ASNS: variants seen among roughly 807,000 people sequenced by gnomAD.
The protein encoded by ASNS is asparagine synthetase [glutamine-hydrolyzing].
Under a neutral mutation model 62.6 loss-of-function variants are expected in ASNS, and 37 were observed. That is an observed-to-expected ratio of 0.59 (90% CI 0.45 to 0.78). The LOEUF (loss-of-function observed/expected upper bound fraction) is 0.78, where lower values mean the gene tolerates loss of function less well. Ranked by LOEUF, ASNS falls within the 30% of genes least tolerant of loss-of-function variation. The probability of loss-of-function intolerance (pLI) is 0.00; values close to 1 mark genes in which losing one functional copy is unlikely to be tolerated. For synonymous variants in ASNS, 207 were observed against 237.9 expected, an observed-to-expected ratio of 0.87 and a Z score of 1.19; for missense variants, 520 against 682.4, an observed-to-expected ratio of 0.76 and a Z score of 2.65.
At chr7:97,882,041 G>A in the ASNS span, among the ~76,000 whole-genome samples, 1 of 152,066 alleles carries the variant, frequency 6.6e-6, no homozygotes, top group Non-Finnish European at 1.5e-5. Flanking sequence ...TAGTAGAAAC[G>A]AGGTCTCGTC....
the ASNS span, among the ~76,000 whole-genome samples, chr7:97,914,341 T>C: frequency 6.6e-6 from 1 of 152,134 alleles, no homozygotes; most frequent in African/African-American, 2.4e-5. Context: ...GCCTCTGTAA[T>C]ACTCATGATT....
the ASNS span, among the ~76,000 whole-genome samples, chr7:97,893,961 G>A: frequency 3.3e-5 from 5 of 152,276 alleles, no homozygotes; most frequent in African/African-American, 1.2e-4. Flanking sequence ...CTCCAGGATA[G>A]ACCATATGTT....
chr7:97,864,638 A>C, intron 3 of ASNS, 142 bp from the exon 4 acceptor site: 2 of 665,540 alleles, frequency 3.0e-6, no homozygotes, highest in Non-Finnish European at 5.2e-6. Flanking sequence ...CAGCATTATT[A>C]AACTATGGTT....
intron 3 of ASNS, among the ~76,000 whole-genome samples, chr7:97,865,933 C>A (rs1195101911): frequency 1.3e-5 from 2 of 152,016 alleles, no homozygotes; most frequent in Non-Finnish European, 2.9e-5. Flanking sequence ...TAGGGAACGC[C>A]AAATAAACTG....
the ASNS span, among the ~76,000 whole-genome samples, chr7:97,903,513 G>A: frequency 3.3e-5 from 5 of 152,100 alleles, no homozygotes; most frequent in Admixed American, 1.3e-4. Flanking sequence ...ACGGTTCCCC[G>A]AACAGGAGAA....
chr7:97,928,287 G>A, the ASNS span: 1 of 1,512,392 alleles, frequency 6.6e-7, no homozygotes, highest in East Asian at 2.5e-5. Flanking sequence ...GGAGCTGCCG[G>A]AAGGGCTGGC....
the ASNS span, among the ~76,000 whole-genome samples, chr7:97,904,742 A>G: frequency 6.6e-6 from 1 of 152,052 alleles, no homozygotes; most frequent in East Asian, 1.9e-4. Flanking sequence ...AAATGCAAAT[A>G]CAAAAATGTT....
At position 97,854,636 on chromosome 7, in the gene ASNS, C is replaced by T. The variant is rs2115608054; in HGVS notation, c.1182G>A (p.Leu394=). The part of the protein sequence containing the change: ...EKAEEESERL[L]RELYLFDVLR... Reference sequence around the variant, plus strand: ...GAACATCAAACAAATAGAGTTCCCTCAGAAGCCTCTCACTCTCCTCCTCGG... The same window carrying T: ...GAACATCAAACAAATAGAGTTCCCTTAGAAGCCTCTCACTCTCCTCCTCGG... The change falls in exon 10 of 13, where the codon CTG becomes CTA. Residue 394 remains leucine, a synonymous_variant. Coordinates refer to ENST00000394308, the MANE Select transcript of ASNS (RefSeq NM_001673.5). The T allele has an allele frequency of 6.2e-7, 1 of 1,614,128 alleles. No individual in the cohort carries two copies. The highest frequency in any genetic ancestry group is 8.5e-7 in the Non-Finnish European group (1 of 1,180,010).
the ASNS span, among the ~76,000 whole-genome samples, chr7:97,915,469 T>A: frequency 6.6e-6 from 1 of 152,224 alleles, no homozygotes; most frequent in Admixed American, 6.5e-5. Context: ...CAAATGAGAA[T>A]CACGAACAGG....
At chr7:97,928,213 G>A in the ASNS span, 9 of 1,528,178 alleles carry the variant, frequency 5.9e-6, no homozygotes, top group African/African-American at 1.4e-5. Flanking sequence ...TTCTCTTCGG[G>A]AGGGACGTCG....
At chr7:97,908,842 T>C in the ASNS span, 1 of 152,226 alleles carries the variant, frequency 6.6e-6, no homozygotes, top group Non-Finnish European at 1.5e-5. Flanking sequence ...TCATTTCATT[T>C]TGTGGCTCCA....
upstream of ASNS, among the ~76,000 whole-genome samples, chr7:97,877,241 C>T (rs529468414): frequency 5.9e-5 from 9 of 151,996 alleles, no homozygotes; most frequent in African/African-American, 9.6e-5. Context: ...ACTACAGGTG[C>T]GTGCCACCAC....
the ASNS span, chr7:97,906,859 G>A: frequency 6.6e-6 from 1 of 151,926 alleles, no homozygotes; most frequent in African/African-American, 2.4e-5. Flanking sequence ...CTAAAGTCAG[G>A]AGAAGATTGA....
chr7:97,925,851 T>C, the ASNS span, among the ~76,000 whole-genome samples: 1 of 152,156 alleles, frequency 6.6e-6, no homozygotes, highest in Non-Finnish European at 1.5e-5. Flanking sequence ...TTGAGGTTGA[T>C]AACCAAATAC....
intron 6 of ASNS, 142 bp from the exon 7 acceptor site, chr7:97,858,547 TCAA>T (rs1444230110): frequency 5.4e-5 from 57 of 1,058,090 alleles, no homozygotes; most frequent in Admixed American, 5.6e-5. Context: ...GAAATCAACT[TCAA>T]CAAGAGAAAA....
the ASNS span, among the ~76,000 whole-genome samples, chr7:97,911,372 C>T: frequency 6.6e-6 from 1 of 152,080 alleles, no homozygotes; most frequent in Non-Finnish European, 1.5e-5. Flanking sequence ...GGCACAGCAG[C>T]TCATGCCTGT....
the ASNS span, among the ~76,000 whole-genome samples, chr7:97,923,546 T>C: frequency 2.0e-5 from 3 of 152,148 alleles, no homozygotes; most frequent in Non-Finnish European, 4.4e-5. Flanking sequence ...ACCCCCATCT[T>C]GTCCGTCTCC....
intron 3 of ASNS, among the ~76,000 whole-genome samples, chr7:97,868,536 T>TGTGTGC (rs1554350488): frequency 2.0e-5 from 3 of 151,710 alleles, no homozygotes; most frequent in South Asian, 4.2e-4. Flanking sequence ...TGTGTGTGTG[T>TGTGTGC]GTGTGTGTAG....
At chr7:97,872,716 T>A (rs1792346804), upstream of ASNS, among the ~76,000 whole-genome samples, 1 of 152,252 alleles carries the variant, frequency 6.6e-6, no homozygotes, top group South Asian at 2.1e-4. Context: ...CGTTTTTTTG[T>A]TGCACTGCCG....
Sources: gnomAD v4.1 joint callset for allele counts (sites outside exome capture counted in the v4.1 genomes callset) on GRCh38, gnomAD v4.1.1 for gene constraint, MANE v1.5 for transcripts, NCBI Gene and HGNC (gene_info 2026-07-23, HGNC 2026-07-21) for gene names.